The following AFF3 variants were observed in gnomAD, a reference collection of about 807,000 sequenced individuals.
AFF3 encodes the protein ALF transcription elongation factor 3.
Under a neutral mutation model 129.7 loss-of-function variants are expected in AFF3, and 32 were observed. The ratio of observed to expected loss-of-function variants is 0.25; its 90% CI spans 0.19 to 0.33. AFF3 has a LOEUF of 0.33. Among genes scored for constraint, AFF3 ranks in the 10% least tolerant of loss-of-function variants. The pLI is 1.00. For missense variants in AFF3, 1,373 were observed against 1,592.0 expected (o/e 0.86, Z 2.34); for synonymous variants, 644 against 635.4 (o/e 1.01, Z -0.20).
chr2:99,874,873 G>C (rs1269520253), intron 7 of AFF3, among the ~76,000 whole-genome samples: 1 of 152,114 alleles, frequency 6.6e-6, no homozygotes, highest in East Asian at 1.9e-4. Flanking sequence ...CATGATGTCT[G>C]CAAGTTACTC....
chr2:99,641,700 C>T (rs987799119), intron 13 of AFF3, among the ~76,000 whole-genome samples: 4 of 151,932 alleles, frequency 2.6e-5, no homozygotes, highest in South Asian at 4.2e-4. Flanking sequence ...AAAAAGAACA[C>T]GAAATGAAAT....
intron 10 of AFF3, among the ~76,000 whole-genome samples, chr2:99,740,616 G>A (rs1000092456): frequency 1.1e-4 from 17 of 152,024 alleles, no homozygotes; most frequent in African/African-American, 4.1e-4. Flanking sequence ...GTCTTCTTTT[G>A]AGAAGTGTCT....
intron 7 of AFF3, among the ~76,000 whole-genome samples, chr2:99,864,668 A>C (rs373830477): frequency 1.3e-5 from 2 of 152,250 alleles, no homozygotes; most frequent in East Asian, 3.9e-4. Flanking sequence ...CAAACCAACA[A>C]TGAGCAATGA....
At chr2:99,905,953 T>TA (rs1347388290) in intron 7 of AFF3, among the ~76,000 whole-genome samples, 3 of 152,134 alleles carry the variant, frequency 2.0e-5, no homozygotes. Context: ...AATACGCTGA[T>TA]AATCTTTGCT....
chr2:99,707,880 C>T (rs898787050), intron 11 of AFF3, among the ~76,000 whole-genome samples: 4 of 152,006 alleles, frequency 2.6e-5, no homozygotes, highest in African/African-American at 9.7e-5. Flanking sequence ...TCCCTTTACC[C>T]CCTTCTGTTT....
intron 7 of AFF3, among the ~76,000 whole-genome samples, chr2:99,964,793 T>C (rs764157634): frequency 2.0e-5 from 3 of 152,210 alleles, no homozygotes; most frequent in African/African-American, 4.8e-5. Context: ...TAAGGGATCT[T>C]TGTGGTCATG....
At chr2:99,659,804 A>G (rs553950550) in intron 12 of AFF3, among the ~76,000 whole-genome samples, 3 of 152,140 alleles carry the variant, frequency 2.0e-5, no homozygotes, top group Admixed American at 6.5e-5. Context: ...TTCTGCTTGG[A>G]CAATGGATCA....
At chr2:99,885,444 T>G (rs1693041116) in intron 7 of AFF3, among the ~76,000 whole-genome samples, 1 of 152,234 alleles carries the variant, frequency 6.6e-6, no homozygotes, top group Non-Finnish European at 1.5e-5. Flanking sequence ...GCACACAGCC[T>G]GCATGTAACA....
At chr2:99,849,429 G>A (rs1332977787) in intron 7 of AFF3, among the ~76,000 whole-genome samples, 1 of 152,128 alleles carries the variant, frequency 6.6e-6, no homozygotes, top group African/African-American at 2.4e-5. Context: ...GCAGTAGGCA[G>A]GAACATGGAC....
rs189513090 is a variant in AFF3 at position 99,665,091 on chromosome 2, G to A, written c.1143+7447C>T. Among the ~76,000 whole-genome samples, 573 of 152,312 alleles carry A rather than the reference G, an allele frequency of 3.8e-3. 3 individuals carry two copies. The highest frequency in any genetic ancestry group is 6.9e-3 in the Non-Finnish European group (472 of 68,024). Reference sequence around the variant, plus strand: ...TCCTGCAGGAGCTGGGAGAAGGGCCGGGCCACAAATGAGCTCAGTGTGAAG... The same window carrying A: ...TCCTGCAGGAGCTGGGAGAAGGGCCAGGCCACAAATGAGCTCAGTGTGAAG... On this transcript the variant is annotated intron_variant, in intron 12 of 24. Coordinates refer to ENST00000672756, the MANE Select transcript of AFF3 (RefSeq NM_001386135.1).
intron 4 of AFF3, among the ~76,000 whole-genome samples, chr2:100,044,448 C>T (rs1487624076): frequency 6.6e-6 from 1 of 150,794 alleles, no homozygotes; most frequent in Non-Finnish European, 1.5e-5. Flanking sequence ...TCTATCTACC[C>T]AAGTCATAGA....
chr2:99,757,721 A>T (rs1682238385), intron 8 of AFF3, among the ~76,000 whole-genome samples: 1 of 152,154 alleles, frequency 6.6e-6, no homozygotes, highest in Non-Finnish European at 1.5e-5. Flanking sequence ...TCAAGCTGAG[A>T]TCCCCTGAAT....
In AFF3 at chr2:99,566,090, T is replaced by C. The variant is rs565377440; in HGVS notation, c.2983-467A>G. Among the ~76,000 whole-genome samples, 25 of 152,056 alleles carry C rather than the reference T, an allele frequency of 1.6e-4. No homozygotes were observed. In the South Asian group the frequency reaches 3.3e-3, roughly 20 times the overall value. On this transcript the variant is annotated intron_variant, in intron 19 of 24. Transcript: ENST00000672756. ...TCTTTTACATTATTTGTGGCACTTA[T>C]ATCTCCATGCCTTCCTCTTCTCAAT...
chr2:99,947,104 G>A (rs986178717), intron 7 of AFF3, among the ~76,000 whole-genome samples: 7 of 152,016 alleles, frequency 4.6e-5, no homozygotes, highest in Admixed American at 1.3e-4. Flanking sequence ...GAATATAAAG[G>A]CGCATAACAC....
intron 13 of AFF3, among the ~76,000 whole-genome samples, chr2:99,636,252 G>T (rs893655691): frequency 6.6e-6 from 1 of 152,172 alleles, no homozygotes; most frequent in Admixed American, 6.5e-5. Flanking sequence ...CTCACTGGCT[G>T]GGAACAGGGT....
intron 11 of AFF3, among the ~76,000 whole-genome samples, chr2:99,694,764 C>T (rs1376806641): frequency 3.9e-5 from 6 of 152,112 alleles, no homozygotes; most frequent in Admixed American, 6.5e-5. Context: ...TGGAGTACAG[C>T]GGTACATTCT....
intron 8 of AFF3, among the ~76,000 whole-genome samples, chr2:99,806,386 G>A (rs1396035574): frequency 6.6e-6 from 1 of 152,176 alleles, no homozygotes; most frequent in Non-Finnish European, 1.5e-5. Context: ...CCAGGAAAAG[G>A]GCAGACACGT....
intron 4 of AFF3, among the ~76,000 whole-genome samples, chr2:100,074,482 C>T (rs1228076530): frequency 6.6e-6 from 1 of 152,188 alleles, no homozygotes; most frequent in South Asian, 2.1e-4. Context: ...TATATTTATA[C>T]TGTGCTGAAC....
chr2:99,613,566 T>A (rs991728945), intron 13 of AFF3, among the ~76,000 whole-genome samples: 3 of 152,230 alleles, frequency 2.0e-5, no homozygotes, highest in South Asian at 2.1e-4. Flanking sequence ...TACTTCTTTT[T>A]AAATTTTTCC....
Sources: gnomAD v4.1 joint callset for allele counts (sites outside exome capture counted in the v4.1 genomes callset) on GRCh38, gnomAD v4.1.1 for gene constraint, MANE v1.5 for transcripts, NCBI Gene and HGNC (gene_info 2026-07-23, HGNC 2026-07-21) for gene names.